Variants in P2RY6 observed in about 807,000 individuals in gnomAD.
P2RY6 encodes pyrimidinergic receptor P2Y6.
Under a neutral mutation model 16.3 loss-of-function variants are expected in P2RY6, and 19 were observed. That is an observed-to-expected ratio of 1.16 (90% CI 0.81 to 1.71). P2RY6 has a LOEUF of 1.71. Among genes scored for constraint, P2RY6 ranks in the 40% most tolerant of loss-of-function variants. P2RY6 has a pLI of 0.00. For missense variants in P2RY6, 389 were observed against 455.5 expected (o/e 0.85, Z 1.33); for synonymous variants, 184 against 201.5 (o/e 0.91, Z 0.74).
intron 1 of P2RY6, among the ~76,000 whole-genome samples, chr11:73,287,281 G>A (rs1191581977): frequency 6.6e-6 from 1 of 152,222 alleles, no homozygotes; most frequent in Non-Finnish European, 1.5e-5. Flanking sequence ...TGGAAGACCT[G>A]TCTCCTTCCT....
At chr11:73,288,168 G>A (rs962562404) in intron 1 of P2RY6, among the ~76,000 whole-genome samples, 11 of 152,192 alleles carry the variant, frequency 7.2e-5, no homozygotes, top group African/African-American at 2.7e-4. Context: ...CACAATGCTT[G>A]GTGCATCGTT....
intron 1 of P2RY6, among the ~76,000 whole-genome samples, chr11:73,267,278 C>A (rs1863136116): frequency 6.6e-6 from 1 of 152,174 alleles, no homozygotes; most frequent in Non-Finnish European, 1.5e-5. Flanking sequence ...CTGCCTAAGC[C>A]AGCCTGGAGT....
chr11:73,282,135 GGAGACTGCTGTGAGCCTGCCATTT>G (rs1863789958), intron 1 of P2RY6, among the ~76,000 whole-genome samples: 1 of 152,158 alleles, frequency 6.6e-6, no homozygotes, highest in African/African-American at 2.4e-5. Flanking sequence ...AGGGGGCAGG[GGAGACTGCTGTGAGCCTGCCATTT>G]GAGACTGCTG....
intron 1 of P2RY6, among the ~76,000 whole-genome samples, chr11:73,292,104 T>C (rs931036153): frequency 6.6e-6 from 1 of 152,162 alleles, no homozygotes; most frequent in Non-Finnish European, 1.5e-5. Flanking sequence ...GAGGAGGGGC[T>C]GGGGTGGATG....
chr11:73,268,561 G>C (rs1863180827), upstream of P2RY6, among the ~76,000 whole-genome samples: 1 of 152,232 alleles, frequency 6.6e-6, no homozygotes. Context: ...GGTCAAGGCT[G>C]TAGTGAGCTG....
At chr11:73,292,442 C>A (rs562194539) in intron 1 of P2RY6, among the ~76,000 whole-genome samples, 13 of 152,314 alleles carry the variant, frequency 8.5e-5, no homozygotes, top group Admixed American at 6.5e-4. Context: ...GGAATGGACA[C>A]CCCGTGGCTC....
chr11:73,268,866 C>T (rs1270796856), upstream of P2RY6, among the ~76,000 whole-genome samples: 1 of 152,242 alleles, frequency 6.6e-6, no homozygotes, highest in Non-Finnish European at 1.5e-5. Context: ...GTGCACGAGA[C>T]CATTCCTGCC....
chr11:73,288,020 G>A (rs760640856), intron 1 of P2RY6, among the ~76,000 whole-genome samples: 1 of 152,220 alleles, frequency 6.6e-6, no homozygotes, highest in Non-Finnish European at 1.5e-5. Flanking sequence ...CACCGGGGCC[G>A]CGTGGTCTCT....
intron 1 of P2RY6, among the ~76,000 whole-genome samples, chr11:73,288,702 G>C (rs1437813551): frequency 6.6e-6 from 1 of 152,236 alleles, no homozygotes; most frequent in African/African-American, 2.4e-5. Context: ...GATGACTGGG[G>C]CACAGAGGGT....
rs1174830886 is a variant in P2RY6, at chr11:73,296,971, G to A, written c.453G>A (p.Val151=). The A allele has an allele frequency of 4.4e-6, 7 of 1,602,632 alleles. No homozygotes were observed. The highest frequency in any genetic ancestry group is 5.9e-6 in the Non-Finnish European group (7 of 1,179,942). Residue 151 remains valine, a synonymous_variant, in exon 3 of 3, where the codon GTG becomes GTA. Coordinates refer to ENST00000540124, the MANE Select transcript of P2RY6 (RefSeq NM_001277204.2). ...CTGCCTGGCTAGTGTGTGTAGCCGT[G>A]TGGCTGGCCGTGACAACCCAGTGCC... ...RRAAWLVCVA[V]WLAVTTQCLP...
At chr11:73,291,344 G>A (rs1219535262) in intron 1 of P2RY6, among the ~76,000 whole-genome samples, 1 of 152,154 alleles carries the variant, frequency 6.6e-6, no homozygotes, top group Non-Finnish European at 1.5e-5. Flanking sequence ...CCTCAGAGCT[G>A]TTCCCATTCC....
intron 1 of P2RY6, among the ~76,000 whole-genome samples, chr11:73,287,114 T>C (rs763328921): frequency 6.6e-6 from 1 of 152,212 alleles, no homozygotes; most frequent in Non-Finnish European, 1.5e-5. Context: ...CAGGAAACGA[T>C]GCATCCCCAT....
At chr11:73,276,093 A>C (rs754792368) in intron 1 of P2RY6, among the ~76,000 whole-genome samples, 1 of 152,252 alleles carries the variant, frequency 6.6e-6, no homozygotes, top group Non-Finnish European at 1.5e-5. Flanking sequence ...GCCTCAGAGC[A>C]TACCATTAAA....
rs1278306928 is a variant in P2RY6, at chr11:73,295,776, T to G, written c.-74T>G. ...GAACCATGGCTTTGGAAGGCGGAGT[T>G]CAGGCTGAGGAGATGGGTGCGGTCC... is the stretch of plus-strand genomic sequence containing the variant. On this transcript the variant is annotated 5_prime_UTR_variant, in exon 2 of 3. Coordinates refer to ENST00000540124, the MANE Select transcript of P2RY6 (RefSeq NM_001277204.2). The G allele has an allele frequency of 1.0e-6, 1 of 985,264 alleles. No individual in the cohort carries two copies. The highest frequency in any genetic ancestry group is 1.7e-5 in the African/African-American group (1 of 57,204). 61.0% of individuals were successfully genotyped at this position (985,264 alleles called of 1,614,324 possible). A position where few individuals can be genotyped will look rare whatever the true frequency, so the allele number is the denominator to read the frequency against.
chr11:73,270,464 G>A (rs1396882720), upstream of P2RY6, among the ~76,000 whole-genome samples: 1 of 152,166 alleles, frequency 6.6e-6, no homozygotes, highest in Admixed American at 6.5e-5. Flanking sequence ...ACTGTGCTGG[G>A]AGGCTCACCC....
chr11:73,296,056 C>T (rs1008582107), intron 2 of P2RY6, among the ~76,000 whole-genome samples: 2 of 151,910 alleles, frequency 1.3e-5, no homozygotes, highest in Non-Finnish European at 2.9e-5. Context: ...GCAGGTGCCG[C>T]ATTCCCCCTT....
chr11:73,297,251 G>T lies in P2RY6; in HGVS notation c.733G>T (p.Ala245Ser), dbSNP rs1864542526. The part of the protein sequence containing the change: ...GKAARMAVVV[A>S]AAFAISFLPF... ...GGCGGCCCGCATGGCCGTGGTGGTG[G>T]CTGCTGCCTTTGCCATCAGCTTCCT... Residue 245 changes from alanine (A) to serine (S), a missense_variant, in exon 3 of 3, where the codon GCT (alanine) becomes TCT (serine). By Grantham distance (99) the Ala-to-Ser change is moderately conservative. Transcript: ENST00000540124. 1.2e-5 allele frequency: 19 copies of T among 1,605,132 alleles called. No homozygotes were observed. The highest frequency in any genetic ancestry group is 1.4e-5 in the Non-Finnish European group (16 of 1,179,632).
intron 1 of P2RY6, among the ~76,000 whole-genome samples, chr11:73,290,308 AAAGAAAGAAAGAAAGAAAG>A (rs1565170548): frequency 5.0e-4 from 20 of 40,066 alleles, no homozygotes; most frequent in Non-Finnish European, 8.2e-4. Flanking sequence ...GAAAGAAAAG[AAAGAAAGAAAGAAAGAAAG>A]AAAGAAAGAA....
At chr11:73,273,412 T>C (rs1350954748) in intron 1 of P2RY6, among the ~76,000 whole-genome samples, 2 of 152,158 alleles carry the variant, frequency 1.3e-5, no homozygotes, top group Admixed American at 6.5e-5. Context: ...CATCTGTGTG[T>C]GTGCCAAGCC....
Sources: gnomAD v4.1 joint callset for allele counts (sites outside exome capture counted in the v4.1 genomes callset) on GRCh38, gnomAD v4.1.1 for gene constraint, MANE v1.5 for transcripts, NCBI Gene and HGNC (gene_info 2026-07-23, HGNC 2026-07-21) for gene names.